Variants in SV2C observed in about 807,000 individuals in gnomAD.
SV2C encodes the protein synaptic vesicle glycoprotein 2C, also known as solute carrier family 22 member B3.
SV2C carries 49 observed loss-of-function variants against 79.7 expected under a neutral mutation model. That is an observed-to-expected ratio of 0.61 (90% confidence interval 0.49 to 0.78). The LOEUF is 0.78. Among genes scored for constraint, SV2C ranks in the 30% least tolerant of loss-of-function variants. The pLI is 0.00. For missense variants in SV2C, 833 were observed against 912.9 expected (o/e 0.91, Z 1.13); for synonymous variants, 334 against 333.2 (o/e 1.00, Z -0.03).
At chr5:76,117,630 A>G (rs553590937) in intron 1 of SV2C, among the ~76,000 whole-genome samples, 50 of 152,294 alleles carry the variant, frequency 3.3e-4, no homozygotes, top group African/African-American at 1.1e-3. Flanking sequence ...AAAAAACTGA[A>G]CAGATACTAA....
chr5:76,284,435 C>T (rs1747285055), intron 4 of SV2C, among the ~76,000 whole-genome samples: 1 of 152,148 alleles, frequency 6.6e-6, no homozygotes, highest in South Asian at 2.1e-4. Context: ...TAGTGACACC[C>T]TCAAAAGGGG....
At chr5:76,195,688 A>T (rs1744251776) in intron 3 of SV2C, among the ~76,000 whole-genome samples, 1 of 152,192 alleles carries the variant, frequency 6.6e-6, no homozygotes, top group Non-Finnish European at 1.5e-5. Context: ...AGCACTTATA[A>T]CTATACTAAA....
chr5:76,117,065 T>C (rs566849486), intron 1 of SV2C, among the ~76,000 whole-genome samples: 111 of 152,280 alleles, frequency 7.3e-4, no homozygotes, highest in African/African-American at 2.6e-3. Context: ...AGCAAGTCTG[T>C]CCCTTATTTG....
chr5:75,950,286 T>C, the SV2C span, among the ~76,000 whole-genome samples: 2 of 152,012 alleles, frequency 1.3e-5, no homozygotes, highest in Non-Finnish European at 2.9e-5. Context: ...GAAGGTGATA[T>C]GAAGAGAACA....
rs934598652 is a variant in SV2C, at chr5:76,173,152, A to T, written c.581-21767A>T. On this transcript the variant is annotated intron_variant, in intron 2 of 12. Transcript: ENST00000502798. ...CAATAATAATGACCTTGAATTTCTT[A>T]AAAAAAATTACAATAAGCTACAAGT... is the stretch of plus-strand genomic sequence containing the variant. 3.6e-4 allele frequency among the ~76,000 whole-genome samples: 54 copies of T among 148,872 alleles called. 1 individual carries two copies. The highest frequency in any genetic ancestry group is 9.8e-4 in the African/African-American group (40 of 40,908).
At chr5:76,079,168 G>T, upstream of SV2C, 1 of 334,860 alleles carries the variant, frequency 3.0e-6, no homozygotes, top group South Asian at 3.4e-5. Flanking sequence ...CCTTAGTAGG[G>T]ATGTTGATTC....
the SV2C span, chr5:75,911,649 C>T: frequency 4.3e-6 from 3 of 700,320 alleles, no homozygotes; most frequent in South Asian, 1.4e-5. Context: ...ATCAGAACCC[C>T]GAAGAACTTT....
At chr5:76,260,275 CT>C (rs1440189870) in intron 4 of SV2C, among the ~76,000 whole-genome samples, 1 of 152,124 alleles carries the variant, frequency 6.6e-6, no homozygotes, top group Non-Finnish European at 1.5e-5. Context: ...CCTTCGCCTA[CT>C]TTTTGATGAG....
intron 2 of SV2C, among the ~76,000 whole-genome samples, chr5:76,178,427 C>T (rs1046109629): frequency 6.6e-6 from 1 of 151,938 alleles, no homozygotes; most frequent in Non-Finnish European, 1.5e-5. Flanking sequence ...TTGTTCCCAC[C>T]ATTGAGTTTT....
At chr5:76,039,417 A>T in the SV2C span, among the ~76,000 whole-genome samples, 1 of 152,174 alleles carries the variant, frequency 6.6e-6, no homozygotes, top group Non-Finnish European at 1.5e-5. Context: ...AGAAAACATT[A>T]AAGCTAGAGG....
Position 76,273,312 on chromosome 5 carries a change from T to A in SV2C, c.914-11850T>A, listed in dbSNP as rs139851292. On this transcript the variant is annotated intron_variant, in intron 4 of 12. Transcript: ENST00000502798. ...GACACACACACATACACATGCACAT[T>A]TCATGCTGTCAGCTTTTTTCAACTC... 7.3e-3 allele frequency among the ~76,000 whole-genome samples: 1,111 copies of A among 152,074 alleles called. 11 individuals carry two copies. Among genetic ancestry groups the A allele is most frequent in the South Asian group, 8.9e-3 (43 of 4,822 alleles).
At chr5:76,281,540 G>A (rs1399052365) in intron 4 of SV2C, among the ~76,000 whole-genome samples, 1 of 152,134 alleles carries the variant, frequency 6.6e-6, no homozygotes, top group East Asian at 1.9e-4. Flanking sequence ...GTAACAAATC[G>A]CTATAAGCAT....
the SV2C span, among the ~76,000 whole-genome samples, chr5:75,971,555 TG>T: frequency 6.6e-6 from 1 of 152,072 alleles, no homozygotes; most frequent in Non-Finnish European, 1.5e-5. Flanking sequence ...AGCCAAATCA[TG>T]AGTGAGCTCC....
At chr5:76,254,716 A>T (rs1374157731) in intron 4 of SV2C, among the ~76,000 whole-genome samples, 2 of 152,236 alleles carry the variant, frequency 1.3e-5, no homozygotes, top group Non-Finnish European at 2.9e-5. Flanking sequence ...TAATAATTGT[A>T]CTAAATCCAA....
intron 4 of SV2C, among the ~76,000 whole-genome samples, chr5:76,263,137 T>C (rs1746535016): frequency 6.6e-6 from 1 of 152,222 alleles, no homozygotes; most frequent in African/African-American, 2.4e-5. Context: ...CAAATATATT[T>C]AGGATAGTTA....
At chr5:76,128,259 C>T (rs140234447) in intron 1 of SV2C, among the ~76,000 whole-genome samples, 1 of 152,244 alleles carries the variant, frequency 6.6e-6, no homozygotes, top group East Asian at 1.9e-4. Context: ...AGCCACCATC[C>T]TAGGGTAGTT....
chr5:76,032,058 A>G, the SV2C span, among the ~76,000 whole-genome samples: 5 of 152,194 alleles, frequency 3.3e-5, no homozygotes, highest in African/African-American at 1.2e-4. Context: ...CTATTTTTGA[A>G]AGGAGCCTTT....
At chr5:76,342,447 G>T (rs1490231171) in intron 12 of SV2C, among the ~76,000 whole-genome samples, 4 of 152,202 alleles carry the variant, frequency 2.6e-5, no homozygotes, top group Admixed American at 2.6e-4. Flanking sequence ...CGGTGGTGGA[G>T]AAAATGAATA....
At chr5:76,039,540 G>A in the SV2C span, among the ~76,000 whole-genome samples, 1,138 of 152,280 alleles carry the variant, frequency 7.5e-3, 12 homozygotes, top group African/African-American at 0.026. Flanking sequence ...CAGATCACCT[G>A]AGGTCAGGAG....
Sources: allele counts gnomAD v4.1 joint callset (sites outside exome capture counted in the v4.1 genomes callset), GRCh38; gene constraint gnomAD v4.1.1; transcripts MANE v1.5; gene names NCBI Gene and HGNC (gene_info 2026-07-23, HGNC 2026-07-21).